HIVEP3: variants seen among roughly 807,000 people sequenced by gnomAD.
HIVEP3 encodes the protein HIVEP zinc finger 3.
Under a neutral mutation model 152.8 loss-of-function variants are expected in HIVEP3, and 49 were observed. That is an observed-to-expected ratio of 0.32 (90% CI 0.26 to 0.41). HIVEP3 has a LOEUF of 0.41. Ranked by LOEUF, HIVEP3 falls within the 10% of genes least tolerant of loss-of-function variation. HIVEP3 has a pLI of 1.00. For synonymous variants in HIVEP3, 1,269 were observed against 1,289.0 expected, an observed-to-expected ratio of 0.98 and a Z score of 0.33; for missense variants, 2,790 against 3,103.3, an observed-to-expected ratio of 0.90 and a Z score of 2.40.
At chr1:41,727,328 AC>A (rs1646767355) in intron 1 of HIVEP3, among the ~76,000 whole-genome samples, 1 of 152,104 alleles carries the variant, frequency 6.6e-6, no homozygotes, top group South Asian at 2.1e-4. Flanking sequence ...CAGCTTCCCC[AC>A]CACGAGGGAT....
At chr1:41,646,281 C>A (rs536877361) in intron 2 of HIVEP3, among the ~76,000 whole-genome samples, 1 of 152,310 alleles carries the variant, frequency 6.6e-6, no homozygotes, top group South Asian at 2.1e-4. Flanking sequence ...GGCTCAAGAT[C>A]CAAGTTACCA....
rs551774802 is a variant in HIVEP3, at chr1:41,818,343, G to A, written c.-801+100070C>T. Among the ~76,000 whole-genome samples, 13 of 152,162 alleles carry A rather than the reference G, an allele frequency of 8.5e-5. 1 individual carries two copies. Among genetic ancestry groups the A allele is most frequent in the South Asian group, 6.2e-4 (3 of 4,816 alleles). On this transcript the variant is annotated intron_variant, in intron 1 of 8. Transcript: ENST00000372583. The stretch of plus-strand genomic sequence containing the variant: ...AGGGTGCAAAGATTCCTGTTTCTTC[G>A]TGTCCTGCTGGTGGGAGTTCAAATG...
intron 3 of HIVEP3, among the ~76,000 whole-genome samples, chr1:41,619,951 G>A (rs537739488): frequency 6.6e-6 from 1 of 152,272 alleles, no homozygotes; most frequent in South Asian, 2.1e-4. Context: ...TGCACGTCTA[G>A]GAATCTCCAT....
intron 1 of HIVEP3, among the ~76,000 whole-genome samples, chr1:41,909,232 A>C (rs1358346851): frequency 6.6e-6 from 1 of 152,136 alleles, no homozygotes; most frequent in Non-Finnish European, 1.5e-5. Flanking sequence ...TTGCAAGCAA[A>C]CAAAATCAAG....
chr1:41,657,424 G>A (rs1645644941), intron 2 of HIVEP3, among the ~76,000 whole-genome samples: 1 of 152,192 alleles, frequency 6.6e-6, no homozygotes, highest in Non-Finnish European at 1.5e-5. Context: ...TAGGAAGATG[G>A]CGGAGCTGGT....
At position 41,988,036 on chromosome 1, in the gene HIVEP3, C is replaced by T. The variant is rs377639495; in HGVS notation, n.119+47771G>A. 3.0e-3 allele frequency among the ~76,000 whole-genome samples: 460 copies of T among 152,212 alleles called. 5 individuals carry two copies. Among genetic ancestry groups the T allele is most frequent in the African/African-American group, 0.01 (434 of 41,530 alleles). ...TCGAGATGAGATTTGGGTGGGGACACGGAGCCAAACCATATCAGACCCTTA... is the reference window on the plus strand; with the variant it reads ...TCGAGATGAGATTTGGGTGGGGACATGGAGCCAAACCATATCAGACCCTTA... On this transcript the variant is annotated intron_variant and non_coding_transcript_variant, in intron 1 of 3. Transcript: ENST00000489103.
At chr1:41,538,927 A>G (rs1207275174) in intron 5 of HIVEP3, among the ~76,000 whole-genome samples, 1 of 152,030 alleles carries the variant, frequency 6.6e-6, no homozygotes, top group Non-Finnish European at 1.5e-5. Context: ...CTCCGGATTC[A>G]TGGGGCATGG....
intron 8 of HIVEP3, among the ~76,000 whole-genome samples, chr1:41,512,536 C>T (rs912693803): frequency 6.6e-6 from 1 of 152,202 alleles, no homozygotes; most frequent in Non-Finnish European, 1.5e-5. Flanking sequence ...TATAGCAATA[C>T]AAGAACGGAC....
At chr1:41,790,929 T>C (rs1310401896) in intron 1 of HIVEP3, among the ~76,000 whole-genome samples, 1 of 152,158 alleles carries the variant, frequency 6.6e-6, no homozygotes, top group Non-Finnish European at 1.5e-5. Flanking sequence ...GTGTATAGAC[T>C]GATCTTGCAA....
At chr1:41,845,941 C>T (rs1328436342) in intron 1 of HIVEP3, among the ~76,000 whole-genome samples, 1 of 152,126 alleles carries the variant, frequency 6.6e-6, no homozygotes, top group Non-Finnish European at 1.5e-5. Context: ...GTGGTTGGTG[C>T]CTGTAGTCCC....
rs146090509 is a variant in HIVEP3, at chr1:41,581,611, G to C, written c.3187C>G (p.Pro1063Ala). The change falls in exon 4 of 9, where the codon CCC (proline) becomes GCC (alanine). Residue 1063 changes from proline (P) to alanine (A), a missense_variant. By Grantham distance (27) the Pro-to-Ala change is conservative. Coordinates refer to ENST00000372583, the MANE Select transcript of HIVEP3 (RefSeq NM_024503.5). The surrounding 1 kb of genome is among the most constrained non-coding windows in gnomAD (Gnocchi z 4.5). The stretch of plus-strand genomic sequence containing the variant: ...TCTTCGCTCTCCTGTCTTCCCTTGG[G>C]GGCAACCTCCAACTCAGATTCTGGA... The part of the protein sequence containing the change: ...RPPESELEVA[P>A]KGRQESEEPQ... The C allele has an allele frequency of 7.9e-5, 128 of 1,614,132 alleles. 1 individual carries two copies. The Middle Eastern group carries it at 1.2e-3, about 15-fold the overall frequency.
At chr1:41,922,280 C>A (rs1644945630), upstream of HIVEP3, among the ~76,000 whole-genome samples, 1 of 152,158 alleles carries the variant, frequency 6.6e-6, no homozygotes, top group African/African-American at 2.4e-5. Context: ...CAGACTAATA[C>A]CATACTTCTC....
In HIVEP3 at chr1:41,513,531, A is replaced by G; in HGVS notation, c.5690T>C (p.Ile1897Thr). The G allele has an allele frequency of 6.2e-7, 1 of 1,606,738 alleles. No homozygotes were observed. Among genetic ancestry groups the G allele is most frequent in the Non-Finnish European group, 8.5e-7 (1 of 1,177,468 alleles). ...GGCATCTGGGGGCTGAGGGCCCAGG[A>G]TGGGTGAGGAGTCTGCCCGCAGTGC... ...PHALRADSSPILGPQPPDAPA... is the reference protein window; with the variant it reads ...PHALRADSSPTLGPQPPDAPA... Residue 1897 changes from isoleucine to threonine, a missense_variant, in exon 8 of 9, where the codon ATC (isoleucine) becomes ACC (threonine). Physicochemically the swap from Ile to Thr is moderately conservative, Grantham distance 89 (BLOSUM62 -1). Transcript: ENST00000372583.
intron 5 of HIVEP3, among the ~76,000 whole-genome samples, chr1:41,569,329 C>A (rs1644218075): frequency 6.6e-6 from 1 of 152,094 alleles, no homozygotes; most frequent in African/African-American, 2.4e-5. Flanking sequence ...CATTTCCCAA[C>A]CTCCACGCCA....
intron 1 of HIVEP3, among the ~76,000 whole-genome samples, chr1:41,914,658 C>T (rs1644843802): frequency 6.6e-6 from 1 of 152,180 alleles, no homozygotes; most frequent in Non-Finnish European, 1.5e-5. Flanking sequence ...AGCCACCTTC[C>T]AGTTTTCAGC....
chr1:41,882,942 C>A (rs780990287), intron 1 of HIVEP3, among the ~76,000 whole-genome samples: 2 of 152,098 alleles, frequency 1.3e-5, no homozygotes, highest in African/African-American at 4.8e-5. Flanking sequence ...TGAGACAGGG[C>A]TGAACTGGCT....
At chr1:42,017,853 G>A (rs566706135) in intron 1 of HIVEP3, among the ~76,000 whole-genome samples, 2 of 152,132 alleles carry the variant, frequency 1.3e-5, no homozygotes, top group Non-Finnish European at 1.5e-5. Flanking sequence ...ACTGCCCAAC[G>A]GTCTTCCATA....
intron 2 of HIVEP3, among the ~76,000 whole-genome samples, chr1:41,678,461 G>A (rs572946277): frequency 1.3e-5 from 2 of 149,872 alleles, no homozygotes; most frequent in Non-Finnish European, 2.9e-5. Context: ...CTCTAGGCCA[G>A]GGGCTTGGAA....
chr1:41,532,463 C>T (rs1332978608), intron 5 of HIVEP3, among the ~76,000 whole-genome samples: 1 of 152,064 alleles, frequency 6.6e-6, no homozygotes, highest in Non-Finnish European at 1.5e-5. Context: ...CCTTGAACAC[C>T]ATGCTAAGTT....
Sources: allele counts gnomAD v4.1 joint callset (sites outside exome capture counted in the v4.1 genomes callset), GRCh38; gene constraint gnomAD v4.1.1; non-coding constraint Gnocchi (gnomAD v3.1); transcripts MANE v1.5; gene names NCBI Gene and HGNC (gene_info 2026-07-23, HGNC 2026-07-21).